The following FLT3 variants were observed in gnomAD, a reference collection of about 807,000 sequenced individuals.
The protein encoded by FLT3 is fms related receptor tyrosine kinase 3.
FLT3 carries 46 observed loss-of-function variants against 126.6 expected under a neutral mutation model. That is an observed-to-expected ratio of 0.36 (90% CI 0.29 to 0.46). FLT3 has a LOEUF of 0.46. Among genes scored for constraint, FLT3 ranks in the 20% least tolerant of loss-of-function variants. The pLI, the probability that FLT3 is intolerant of heterozygous loss-of-function variation, is 1.00. For missense variants in FLT3, 1,069 were observed against 1,190.3 expected, an observed-to-expected ratio of 0.90 and a Z score of 1.50; for synonymous variants, 404 against 434.4, an observed-to-expected ratio of 0.93 and a Z score of 0.87.
intron 23 of FLT3, among the ~76,000 whole-genome samples, chr13:28,005,095 CGAGGCGGGCG>C (rs1253514407): frequency 1.3e-5 from 2 of 152,160 alleles, no homozygotes; most frequent in African/African-American, 4.8e-5. Context: ...TTTGGGATGC[CGAGGCGGGCG>C]GATCACCTGG....
rs1382248638 is a variant in FLT3, at chr13:28,061,784, G to A, written c.368+83C>T. On this transcript the variant is annotated intron_variant, in intron 3 of 23. Coordinates refer to ENST00000241453, the MANE Select transcript of FLT3 (RefSeq NM_004119.3). ...AGACCCTGACTCACAAAAAAAAAAG[G>A]TTTACAATAAACATGAACAGAAACT... 2.3e-5 allele frequency: 26 copies of A among 1,128,346 alleles called. No individual in the cohort carries two copies. In the East Asian group the frequency reaches 6.2e-4, roughly 27 times the overall value. 69.9% of individuals were successfully genotyped at this position (1,128,346 alleles called of 1,614,324 possible). A position where few individuals can be genotyped will look rare whatever the true frequency, so the allele number is the denominator to read the frequency against.
intron 9 of FLT3, among the ~76,000 whole-genome samples, chr13:28,041,847 T>TA (rs1272993391): frequency 6.6e-6 from 1 of 152,112 alleles, no homozygotes; most frequent in Non-Finnish European, 1.5e-5. Flanking sequence ...GCGTTCTCAT[T>TA]AAAACTAAGA....
intron 15 of FLT3, among the ~76,000 whole-genome samples, chr13:28,031,871 C>G (rs1873380412): frequency 1.3e-5 from 2 of 152,136 alleles, no homozygotes; most frequent in Admixed American, 1.3e-4. Flanking sequence ...ATCTGCTTAG[C>G]CTTTCGCCAC....
chr13:28,043,631 A>C (rs144983822), intron 9 of FLT3, among the ~76,000 whole-genome samples: 2 of 152,362 alleles, frequency 1.3e-5, no homozygotes, highest in East Asian at 3.9e-4. Flanking sequence ...GTAGGTAAAG[A>C]ATGCTCATGC....
chr13:28,027,307 A>G (rs1872897855), intron 16 of FLT3, 66 bp from the exon 17 acceptor site: 3 of 1,324,408 alleles, frequency 2.3e-6, no homozygotes, highest in Admixed American at 3.8e-5. Context: ...AAGTCTATGT[A>G]GCAGACAACA....
intron 15 of FLT3, among the ~76,000 whole-genome samples, chr13:28,030,002 C>T (rs1873177538): frequency 1.3e-5 from 2 of 152,204 alleles, no homozygotes; most frequent in Admixed American, 1.3e-4. Flanking sequence ...CTGGACTTCC[C>T]TCTCCAGGCT....
At chr13:28,060,132 C>T (rs1237164348) in intron 3 of FLT3, among the ~76,000 whole-genome samples, 2 of 148,606 alleles carry the variant, frequency 1.3e-5, no homozygotes, top group East Asian at 2.0e-4. Flanking sequence ...CGGTGGCTCA[C>T]GCCTGTAATC....
Position 28,034,342 on chromosome 13 carries a change from T to C in FLT3, c.1663A>G (p.Ile555Val), listed in dbSNP as rs1167791509. 6.2e-7 allele frequency: 1 copy of C among 1,613,896 alleles called. No homozygotes were observed. The highest frequency in any genetic ancestry group is 8.5e-7 in the Non-Finnish European group (1 of 1,179,962). ...YATIGVCLLFIVVLTLLICHK... is the reference protein window; with the variant it reads ...YATIGVCLLFVVVLTLLICHK... ...CAAATTAGCAGGGTTAAAACGACAA[T>C]GAAGAGGAGACAAACACCAATTGTT... The change falls in exon 13 of 24, where the codon ATT becomes GTT. Residue 555 changes from isoleucine to valine, a missense_variant. Physicochemically the swap from Ile to Val is conservative, Grantham distance 29. Coordinates refer to ENST00000241453, the MANE Select transcript of FLT3 (RefSeq NM_004119.3).
chr13:28,026,299 G>A (rs895837334), intron 17 of FLT3, among the ~76,000 whole-genome samples: 51 of 140,990 alleles, frequency 3.6e-4, no homozygotes, highest in Non-Finnish European at 7.0e-4. Flanking sequence ...GCAGTGAGCC[G>A]AGATCACACC....
At chr13:28,071,584 A>G (rs112239602) in intron 1 of FLT3, among the ~76,000 whole-genome samples, 2,206 of 152,158 alleles carry the variant, frequency 0.014, 61 homozygotes, top group African/African-American at 0.05. Context: ...CTCTTCACAT[A>G]TAAGAATGAA....
At chr13:28,094,132 A>T (rs369734415) in intron 1 of FLT3, among the ~76,000 whole-genome samples, 1 of 152,212 alleles carries the variant, frequency 6.6e-6, no homozygotes, top group African/African-American at 2.4e-5. Context: ...AAGTGCAGAG[A>T]CATTCTCTGC....
rs777858224 is a variant in FLT3, at chr13:28,053,766, C to CT, written c.485-1093_485-1092insA. 2.2e-3 allele frequency among the ~76,000 whole-genome samples: 125 copies of CT among 57,322 alleles called. No homozygotes were observed. In the South Asian group the frequency reaches 0.028, roughly 13 times the overall value. The allele number at this position is 57,322 out of a possible 152,430, so 37.6% of individuals were successfully genotyped here. On this transcript the variant is annotated intron_variant, in intron 4 of 23. Transcript: ENST00000241453. ...GTTTTACATGTAGCTATACTTTATT[C>CT]ATTTTTTTTTTTACTGCTACATAAT... is the stretch of plus-strand genomic sequence containing the variant.
At position 28,034,337 on chromosome 13, in the gene FLT3, G is replaced by C. The variant is rs777127892; in HGVS notation, c.1668C>G (p.Val556=). 1.4e-5 allele frequency: 23 copies of C among 1,613,798 alleles called. No individual in the cohort carries two copies. Among genetic ancestry groups the C allele is most frequent in the Non-Finnish European group, 1.9e-5 (22 of 1,179,874 alleles). The change falls in exon 13 of 24, where the codon GTC becomes GTG. Residue 556 remains valine (V), a synonymous_variant. Coordinates refer to ENST00000241453, the MANE Select transcript of FLT3 (RefSeq NM_004119.3). ...ATIGVCLLFI[V]VLTLLICHKY... ...TGTGACAAATTAGCAGGGTTAAAAC[G>C]ACAATGAAGAGGAGACAAACACCAA...
chr13:28,041,262 G>A (rs912910730), intron 9 of FLT3, among the ~76,000 whole-genome samples: 1 of 152,154 alleles, frequency 6.6e-6, no homozygotes, highest in Non-Finnish European at 1.5e-5. Context: ...GCTTCTAAGA[G>A]AGAAAGTGTA....
chr13:28,059,241 G>A (rs778517521), intron 3 of FLT3, among the ~76,000 whole-genome samples: 1 of 152,164 alleles, frequency 6.6e-6, no homozygotes, highest in African/African-American at 2.4e-5. Flanking sequence ...CAAGGGGCCC[G>A]ATACCCCTTG....
At chr13:28,032,518 G>C (rs1236260811) in intron 15 of FLT3, among the ~76,000 whole-genome samples, 5 of 152,228 alleles carry the variant, frequency 3.3e-5, no homozygotes, top group African/African-American at 1.2e-4. Flanking sequence ...CCTGAAGTGG[G>C]AGGATGGCTT....
intron 9 of FLT3, among the ~76,000 whole-genome samples, chr13:28,043,544 A>G (rs1032134729): frequency 6.6e-6 from 1 of 152,246 alleles, no homozygotes; most frequent in Non-Finnish European, 1.5e-5. Flanking sequence ...CACTTTGCCT[A>G]TAAAATCTTG....
At chr13:28,071,536 T>C (rs1320824323) in intron 1 of FLT3, among the ~76,000 whole-genome samples, 1 of 152,178 alleles carries the variant, frequency 6.6e-6, no homozygotes, top group Non-Finnish European at 1.5e-5. Context: ...GCCCATGATT[T>C]AGATATTTTC....
Position 28,014,482 on chromosome 13 carries a change from T to TA in FLT3, c.2828dup (p.Leu943PhefsTer71). Reference sequence around the variant, plus strand: ...CTTCTGCATCTGCCAGCTGACATCCTAAAAACGAAGTCAAATTAGGGAAGG... The same window carrying TA: ...CTTCTGCATCTGCCAGCTGACATCCTAAAAAACGAAGTCAAATTAGGGAAGG... On this transcript the variant is annotated frameshift_variant, in exon 23 of 24. Coordinates refer to ENST00000241453, the MANE Select transcript of FLT3 (RefSeq NM_004119.3). LOFTEE classifies it low-confidence loss of function (END_TRUNC). 1 of 1,613,982 alleles carries TA rather than the reference T, an allele frequency of 6.2e-7. No homozygotes were observed. Among genetic ancestry groups the TA allele is most frequent in the East Asian group, 2.2e-5 (1 of 44,886 alleles).
Sources: allele counts gnomAD v4.1 joint callset (sites outside exome capture counted in the v4.1 genomes callset), GRCh38; gene constraint gnomAD v4.1.1; transcripts MANE v1.5; gene names NCBI Gene and HGNC (gene_info 2026-07-23, HGNC 2026-07-21).